GPC5: variants seen among roughly 807,000 people sequenced by gnomAD.
GPC5 encodes glypican-5.
Under a neutral mutation model 53.9 loss-of-function variants are expected in GPC5, and 47 were observed. That is an observed-to-expected ratio of 0.87 (90% CI 0.69 to 1.11). GPC5 has a LOEUF of 1.11. GPC5 is among the 50% of genes most tolerant of loss of function. The probability of loss-of-function intolerance (pLI) is 0.00; values close to 1 mark genes in which losing one functional copy is unlikely to be tolerated. For missense variants in GPC5, 748 were observed against 713.1 expected, an observed-to-expected ratio of 1.05 and a Z score of -0.56; for synonymous variants, 286 against 263.3, an observed-to-expected ratio of 1.09 and a Z score of -0.84.
chr13:92,123,930 T>C (rs781247075), intron 6 of GPC5, among the ~76,000 whole-genome samples: 4 of 152,162 alleles, frequency 2.6e-5, no homozygotes, highest in Non-Finnish European at 5.9e-5. Flanking sequence ...AAATTATTTT[T>C]AAAGATGAAT....
At chr13:91,650,423 ACTT>A (rs1239853903) in intron 2 of GPC5, among the ~76,000 whole-genome samples, 1 of 152,130 alleles carries the variant, frequency 6.6e-6, no homozygotes, top group Non-Finnish European at 1.5e-5. Flanking sequence ...CACAAAATAT[ACTT>A]CTTCATTCTG....
chr13:91,412,008 C>T lies in GPC5; in HGVS notation c.163+12799C>T, dbSNP rs540877885. On this transcript the variant is annotated intron_variant, in intron 1 of 7. Coordinates refer to ENST00000377067, the MANE Select transcript of GPC5 (RefSeq NM_004466.6). ...ATGCTTCTGTTAAATGTTCCTTTCCCTCCCTTCCCCACCCTTTCCTCTTAC... is the reference window on the plus strand; with the variant it reads ...ATGCTTCTGTTAAATGTTCCTTTCCTTCCCTTCCCCACCCTTTCCTCTTAC... Among the ~76,000 whole-genome samples, 9 of 152,314 alleles carry T rather than the reference C, an allele frequency of 5.9e-5. No individual in the cohort carries two copies. The South Asian group carries it at 1.7e-3, about 28-fold the overall frequency.
chr13:92,118,442 G>A (rs533264263), intron 6 of GPC5, among the ~76,000 whole-genome samples: 7 of 151,926 alleles, frequency 4.6e-5, no homozygotes, highest in Admixed American at 2.6e-4. Context: ...TCTCTCTCTC[G>A]AAGTTCTAAG....
At chr13:91,568,199 G>A (rs988615061) in intron 2 of GPC5, among the ~76,000 whole-genome samples, 1 of 152,132 alleles carries the variant, frequency 6.6e-6, no homozygotes, top group Non-Finnish European at 1.5e-5. Context: ...CTGTGAGAAT[G>A]GACTAATGCA....
chr13:92,761,955 G>A (rs1420214642), intron 7 of GPC5, among the ~76,000 whole-genome samples: 1 of 151,732 alleles, frequency 6.6e-6, no homozygotes, highest in East Asian at 1.9e-4. Context: ...AAATAAAAGA[G>A]AAATAAAGCC....
chr13:91,949,768 A>G (rs1183675430), intron 6 of GPC5, among the ~76,000 whole-genome samples: 2 of 152,198 alleles, frequency 1.3e-5, no homozygotes. Flanking sequence ...TATTTTTAAT[A>G]TAAAATTAAT....
At chr13:92,419,170 C>T (rs745562634) in intron 7 of GPC5, among the ~76,000 whole-genome samples, 1 of 152,152 alleles carries the variant, frequency 6.6e-6, no homozygotes, top group Non-Finnish European at 1.5e-5. Context: ...CCACCTGGGT[C>T]ATCAAAGGGA....
intron 7 of GPC5, among the ~76,000 whole-genome samples, chr13:92,392,887 A>C (rs536899720): frequency 3.9e-4 from 59 of 152,344 alleles, no homozygotes; most frequent in Admixed American, 2.4e-3. Context: ...ATTATTAAAA[A>C]GTCAAAAAAT....
At position 91,801,253 on chromosome 13, in the gene GPC5, TTGTGTGTG is replaced by T. The variant is rs71113762; in HGVS notation, c.1280+44867_1280+44874del. Among the ~76,000 whole-genome samples the T allele has an allele frequency of 2.6e-3, 384 of 146,290 alleles. 1 individual carries two copies. Among genetic ancestry groups the T allele is most frequent in the African/African-American group, 4.8e-3 (193 of 39,946 alleles). On this transcript the variant is annotated intron_variant, in intron 5 of 7. Coordinates refer to ENST00000377067, the MANE Select transcript of GPC5 (RefSeq NM_004466.6). ...ACTAACTCCCTGTGACATCCATACT[TTGTGTGTG>T]TGTGTGTGTGTGTGTGTGTGTGTGT...
chr13:92,736,359 T>C (rs1018310904), intron 7 of GPC5, among the ~76,000 whole-genome samples: 1 of 151,958 alleles, frequency 6.6e-6, no homozygotes, highest in African/African-American at 2.4e-5. Context: ...TGTTCTAGAG[T>C]TCTCTTTTAT....
chr13:92,037,637 C>A (rs2040904332), intron 6 of GPC5, among the ~76,000 whole-genome samples: 1 of 152,158 alleles, frequency 6.6e-6, no homozygotes, highest in Non-Finnish European at 1.5e-5. Flanking sequence ...TAGTGCCTGA[C>A]TGGCACAGGG....
chr13:92,381,076 A>C (rs1032783272), intron 7 of GPC5, among the ~76,000 whole-genome samples: 1 of 152,330 alleles, frequency 6.6e-6, no homozygotes, highest in Admixed American at 6.5e-5. Flanking sequence ...TTCTTGCAGA[A>C]ATAATTAAAT....
intron 5 of GPC5, among the ~76,000 whole-genome samples, chr13:91,861,388 T>G (rs1642226551): frequency 6.6e-6 from 1 of 152,170 alleles, no homozygotes; most frequent in African/African-American, 2.4e-5. Flanking sequence ...ATTATGAGGC[T>G]TTATTATTAA....
intron 7 of GPC5, among the ~76,000 whole-genome samples, chr13:92,339,310 G>A (rs889677033): frequency 6.6e-6 from 1 of 151,858 alleles, no homozygotes. Flanking sequence ...ATGTCGTGAT[G>A]TGTTAATTTT....
At chr13:92,166,956 TCACACACACA>T (rs199854897) in intron 7 of GPC5, among the ~76,000 whole-genome samples, 28 of 84,802 alleles carry the variant, frequency 3.3e-4, no homozygotes, top group East Asian at 6.7e-4. Flanking sequence ...TCTCTCTCTC[TCACACACACA>T]CACACACACA....
intron 7 of GPC5, among the ~76,000 whole-genome samples, chr13:92,563,426 A>G (rs1594307545): frequency 6.6e-6 from 1 of 151,962 alleles, no homozygotes; most frequent in East Asian, 1.9e-4. Context: ...ACATTTTTTA[A>G]TGCAGTTTTC....
At chr13:92,646,966 G>GTGTGTGTA (rs1462533037) in intron 7 of GPC5, among the ~76,000 whole-genome samples, 2 of 145,884 alleles carry the variant, frequency 1.4e-5, no homozygotes, top group South Asian at 2.1e-4. Flanking sequence ...GTGTGTGTGT[G>GTGTGTGTA]TATATAAACC....
At chr13:92,502,017 C>T (rs925108183) in intron 7 of GPC5, among the ~76,000 whole-genome samples, 33 of 151,828 alleles carry the variant, frequency 2.2e-4, no homozygotes, top group African/African-American at 6.5e-4. Context: ...GAAAGAAGAG[C>T]GACAAAAATG....
At chr13:91,842,401 G>A (rs2038797245) in intron 5 of GPC5, among the ~76,000 whole-genome samples, 1 of 148,458 alleles carries the variant, frequency 6.7e-6, no homozygotes, top group African/African-American at 2.5e-5. Flanking sequence ...GGGCAAACTA[G>A]ATGCTTAAGA....
Sources: allele counts gnomAD v4.1 joint callset (sites outside exome capture counted in the v4.1 genomes callset), GRCh38; gene constraint gnomAD v4.1.1; transcripts MANE v1.5; gene names NCBI Gene and HGNC (gene_info 2026-07-23, HGNC 2026-07-21).